The following DYSF variants were observed in gnomAD, a reference collection of about 807,000 sequenced individuals.
DYSF encodes the protein dystrophy-associated fer-1-like 1.
In DYSF, 212 loss-of-function variants were observed where a neutral mutation model predicts 274.9. That is an observed-to-expected ratio of 0.77 (90% CI 0.69 to 0.86). DYSF has a LOEUF of 0.86. Ranked by LOEUF, DYSF falls within the 40% of genes least tolerant of loss-of-function variation. DYSF has a pLI of 0.00. For synonymous variants in DYSF, 1,091 were observed against 1,078.7 expected, an observed-to-expected ratio of 1.01 and a Z score of -0.22; for missense variants, 2,666 against 2,783.2, an observed-to-expected ratio of 0.96 and a Z score of 0.95.
chr2:71,646,733 A>C (rs2094573240), intron 42 of DYSF, among the ~76,000 whole-genome samples: 1 of 152,232 alleles, frequency 6.6e-6, no homozygotes, highest in South Asian at 2.1e-4. Context: ...AAAACATCTT[A>C]ATGTTCCTAA....
chr2:71,565,513 C>T (rs943646888), intron 24 of DYSF, among the ~76,000 whole-genome samples: 2 of 152,164 alleles, frequency 1.3e-5, no homozygotes, highest in African/African-American at 2.4e-5. Flanking sequence ...TGGACCTTCC[C>T]CTTCCCTACA....
At chr2:71,522,143 G>C (rs2087350434) in intron 12 of DYSF, among the ~76,000 whole-genome samples, 1 of 151,846 alleles carries the variant, frequency 6.6e-6, no homozygotes, top group Admixed American at 6.6e-5. Flanking sequence ...TCTGTACCAG[G>C]CTCAAGATTT....
chr2:71,568,404 C>T, intron 26 of DYSF, 66 bp downstream of exon 26: 1 of 1,587,568 alleles, frequency 6.3e-7, no homozygotes, highest in Admixed American at 1.7e-5. Context: ...CTGCACCCTC[C>T]TTTTGGAGGC....
Position 71,590,226 on chromosome 2 carries a change from A to G in DYSF, c.3512A>G (p.His1171Arg), listed in dbSNP as rs369787216. 15 of 1,614,040 alleles carry G rather than the reference A, an allele frequency of 9.3e-6. No individual in the cohort carries two copies. The highest frequency in any genetic ancestry group is 1.2e-5 in the Non-Finnish European group (14 of 1,180,002). The part of the protein sequence containing the change: ...SCIFDYGNRY[H>R]LRCYMYQARD... ...CTTGGTGAAGATGGGAACCGCTACC[A>G]TCTACGCTGCTACATGTACCAGGCC... Residue 1171 changes from histidine (H) to arginine (R), a missense_variant, in exon 32 of 56, where the codon CAT becomes CGT. By Grantham distance (29) the His-to-Arg change is conservative. Around this residue, in one of 3 missense-constraint regions of DYSF, gnomAD observed 1,460 missense variants for 1,502.1 expected, o/e 0.97. Coordinates refer to ENST00000410020, the MANE Select transcript of DYSF (RefSeq NM_001130987.2).
At chr2:71,572,015 GCACA>G (rs1186624684) in intron 29 of DYSF, among the ~76,000 whole-genome samples, 5 of 121,990 alleles carry the variant, frequency 4.1e-5, no homozygotes, top group African/African-American at 1.8e-4. Context: ...ATCACACTCA[GCACA>G]CACACATTAC....
At chr2:71,564,891 C>T (rs1559169841) in intron 24 of DYSF, among the ~76,000 whole-genome samples, 1 of 152,198 alleles carries the variant, frequency 6.6e-6, no homozygotes. Flanking sequence ...CTGTGCTCCT[C>T]TCTAGGCTCA....
intron 22 of DYSF, 149 bp from the exon 23 acceptor site, chr2:71,561,603 T>A: frequency 1.2e-6 from 1 of 852,986 alleles, no homozygotes; most frequent in Non-Finnish European, 1.9e-6. Flanking sequence ...CACATAGAGA[T>A]GGCTGTGTGT....
At chr2:71,663,535 C>A (rs896929675) in intron 45 of DYSF, among the ~76,000 whole-genome samples, 4 of 152,216 alleles carry the variant, frequency 2.6e-5, no homozygotes, top group Non-Finnish European at 4.4e-5. Flanking sequence ...GGCCCCTGCC[C>A]TCCTTCTCCA....
intron 31 of DYSF, among the ~76,000 whole-genome samples, chr2:71,589,892 CCACT>C (rs2093204675): frequency 6.6e-6 from 1 of 152,066 alleles, no homozygotes; most frequent in Non-Finnish European, 1.5e-5. Context: ...GTGTGTCCAC[CCACT>C]CAAATCTGAG....
rs187323063 is a variant in DYSF at position 71,660,679 on chromosome 2, G to T, written c.5003+28G>T. On this transcript the variant is annotated intron_variant, in intron 45 of 55. Coordinates refer to ENST00000410020, the MANE Select transcript of DYSF (RefSeq NM_001130987.2). ...AAATTGGGGCATCTTGGGTCTTGGG[G>T]TGGAGGAGCCAGACAGGATAACCCA... 3.1e-6 allele frequency: 5 copies of T among 1,593,624 alleles called. No individual in the cohort carries two copies. The East Asian group carries it at 8.9e-5, about 28-fold the overall frequency.
intron 10 of DYSF, among the ~76,000 whole-genome samples, chr2:71,518,227 A>T (rs1272793191): frequency 6.6e-6 from 1 of 151,886 alleles, no homozygotes; most frequent in South Asian, 2.1e-4. Context: ...GTAACTAGTA[A>T]TTGCACAGAC....
intron 52 of DYSF, among the ~76,000 whole-genome samples, chr2:71,676,929 ATGTG>A (rs3055157): frequency 4.0e-5 from 6 of 150,044 alleles, no homozygotes; most frequent in Non-Finnish European, 3.0e-5. Flanking sequence ...ATGTGTGTGT[ATGTG>A]TGTGTGTGTG....
chr2:71,621,926 TG>T (rs1402025537), intron 41 of DYSF, among the ~76,000 whole-genome samples: 3 of 152,148 alleles, frequency 2.0e-5, no homozygotes, highest in Non-Finnish European at 4.4e-5. Context: ...CCCAAAGTGC[TG>T]GGATTACAGG....
At chr2:71,674,123 C>G in intron 51 of DYSF, 74 bp from the exon 52 acceptor site, 1 of 1,422,040 alleles carries the variant, frequency 7.0e-7, no homozygotes, top group Non-Finnish European at 9.9e-7. Flanking sequence ...AGGCAGCCTT[C>G]CAGGCTGGAA....
chr2:71,602,618 G>T, intron 35 of DYSF, 158 bp from the exon 36 acceptor site: 1 of 691,910 alleles, frequency 1.4e-6, no homozygotes, highest in Non-Finnish European at 2.6e-6. Flanking sequence ...TCTTACCCTT[G>T]GTGGGAGGTG....
rs781120136 is a variant in DYSF at position 71,570,715 on chromosome 2, C to G, written c.3202C>G (p.Leu1068Val). ...CTGGGTGCGCCTGCGCAGGAGGGAT[C>G]TCAGCCAAATGGAAGCACTGAAAAG... ...RRWVRLRRRDLSQMEALKRHR... is the reference protein window; with the variant it reads ...RRWVRLRRRDVSQMEALKRHR... Residue 1068 changes from leucine (L) to valine (V), a missense_variant, in exon 29 of 56, where the codon CTC becomes GTC. By Grantham distance (32) the Leu-to-Val change is conservative (BLOSUM62 1). Coordinates refer to ENST00000410020, the MANE Select transcript of DYSF (RefSeq NM_001130987.2). 7 of 1,613,882 alleles carry G rather than the reference C, an allele frequency of 4.3e-6. No homozygotes were observed. Among genetic ancestry groups the G allele is most frequent in the Non-Finnish European group, 5.1e-6 (6 of 1,179,952 alleles).
At chr2:71,681,370 T>C (rs545048892) in intron 54 of DYSF, among the ~76,000 whole-genome samples, 1 of 152,350 alleles carries the variant, frequency 6.6e-6, no homozygotes, top group African/African-American at 2.4e-5. Context: ...ATCCTATGCA[T>C]GTGTACATTG....
At chr2:71,540,478 A>G (rs1259797455) in intron 17 of DYSF, among the ~76,000 whole-genome samples, 1 of 152,166 alleles carries the variant, frequency 6.6e-6, no homozygotes, top group East Asian at 1.9e-4. Context: ...GGACTACTTT[A>G]TGCTCTCATC....
chr2:71,482,233 G>A (rs1034793950), intron 3 of DYSF, among the ~76,000 whole-genome samples: 2 of 152,136 alleles, frequency 1.3e-5, no homozygotes, highest in Admixed American at 6.5e-5. Flanking sequence ...TGCACAGACA[G>A]TGTGTGCCCC....
Sources: gnomAD v4.1 joint callset for allele counts (sites outside exome capture counted in the v4.1 genomes callset) on GRCh38, gnomAD v4.1.1 for gene constraint, gnomAD v4.1.1 regional missense constraint, MANE v1.5 for transcripts, NCBI Gene and HGNC (gene_info 2026-07-23, HGNC 2026-07-21) for gene names.